The following FABP3 variants were observed in gnomAD, a reference collection of about 807,000 sequenced individuals.
The protein encoded by FABP3 is fatty acid-binding protein, heart.
Under a neutral mutation model 13.4 loss-of-function variants are expected in FABP3, and 8 were observed. The observed-to-expected ratio is 0.60, with a 90% CI of 0.35 to 1.07. The LOEUF is 1.07. Among genes scored for constraint, FABP3 ranks in the 50% least tolerant of loss-of-function variants. The pLI is 0.02. For synonymous variants in FABP3, 64 were observed against 60.0 expected (o/e 1.07, Z -0.31); for missense variants, 135 against 164.7 (o/e 0.82, Z 0.99).
At chr1:31,363,993 A>G, downstream of FABP3, 2 of 1,601,960 alleles carry the variant, frequency 1.2e-6, no homozygotes, top group Non-Finnish European at 8.5e-7. Flanking sequence ...AAAAGCAAAT[A>G]TACACATACA....
At chr1:31,364,192 G>C (rs1640043689), downstream of FABP3, 1 of 1,612,724 alleles carries the variant, frequency 6.2e-7, no homozygotes. Flanking sequence ...CACAAGGAGT[G>C]AGAGTATAAA....
downstream of FABP3, chr1:31,364,304 C>T (rs752780172): frequency 4.9e-6 from 7 of 1,443,118 alleles, no homozygotes; most frequent in South Asian, 4.7e-5. Flanking sequence ...CCATTAACTT[C>T]GCTCCCATGG....
chr1:31,361,605 A>G (rs1197152363), downstream of FABP3, among the ~76,000 whole-genome samples: 2 of 152,184 alleles, frequency 1.3e-5, no homozygotes, highest in African/African-American at 2.4e-5. Context: ...TCCTGTTACC[A>G]TACAGAAAGA....
At chr1:31,360,950 T>G (rs1470723501), downstream of FABP3, among the ~76,000 whole-genome samples, 3 of 152,216 alleles carry the variant, frequency 2.0e-5, no homozygotes, top group Admixed American at 2.0e-4. Context: ...ATTATTACTC[T>G]CCTCACTTCT....
chr1:31,372,804 T>A, intron 1 of FABP3, 138 bp downstream of exon 1: 1 of 811,086 alleles, frequency 1.2e-6, no homozygotes, highest in Non-Finnish European at 2.0e-6. Context: ...CCCCACCTGC[T>A]CTAGGCCAGG....
Position 31,369,574 on chromosome 1 carries a change from G to C in FABP3, c.74-17C>G. The C allele has an allele frequency of 6.2e-7, 1 of 1,613,674 alleles. No individual in the cohort carries two copies. The highest frequency in any genetic ancestry group is 8.5e-7 in the Non-Finnish European group (1 of 1,179,706). On this transcript the variant is annotated splice_polypyrimidine_tract_variant and intron_variant, in intron 1 of 3. Coordinates refer to ENST00000373713, the MANE Select transcript of FABP3 (RefSeq NM_004102.5). ...AACCCACACCTGAGGGTAGGGGGAA[G>C]GTTATGAGTATATGAGCTGGGGTAG...
At chr1:31,361,763 G>GT (rs530508163), downstream of FABP3, among the ~76,000 whole-genome samples, 392 of 151,510 alleles carry the variant, frequency 2.6e-3, 1 homozygote, top group Non-Finnish European at 5.0e-3. Flanking sequence ...CACCATAGGT[G>GT]TTTTTTTTGG....
chr1:31,367,319 T>C (rs1640131105), intron 3 of FABP3, 74 bp downstream of exon 3: 1 of 1,309,282 alleles, frequency 7.6e-7, no homozygotes, highest in African/African-American at 1.4e-5. Context: ...AGGACTTGGC[T>C]TTTTAGAACA....
At chr1:31,366,747 TC>T (rs1640120828) in intron 3 of FABP3, among the ~76,000 whole-genome samples, 1 of 152,132 alleles carries the variant, frequency 6.6e-6, no homozygotes. Context: ...CTGTGGTACT[TC>T]CTACCCAAGC....
At chr1:31,361,134 G>A (rs1639873973), downstream of FABP3, among the ~76,000 whole-genome samples, 1 of 152,204 alleles carries the variant, frequency 6.6e-6, no homozygotes, top group Non-Finnish European at 1.5e-5. Flanking sequence ...CAGCAACATA[G>A]CTAAACTATT....
chr1:31,366,103 C>T (rs1303111594), intron 3 of FABP3, among the ~76,000 whole-genome samples, 164 bp from the exon 4 acceptor site: 1 of 145,438 alleles, frequency 6.9e-6, no homozygotes, highest in Non-Finnish European at 1.5e-5. Flanking sequence ...TGTGTGTATA[C>T]ATACATAATT....
rs1569983215 is a variant in FABP3 at position 31,373,074 on chromosome 1, G to A, written c.-60C>T. ...AGAGCAGGCGTGCAAGGGCTCCGAC[G>A]GCGGCTCCCTGCCCGGGCTGCCGCT... On this transcript the variant is annotated 5_prime_UTR_variant, in exon 1 of 4. Transcript: ENST00000373713. 2 of 1,526,302 alleles carry A rather than the reference G, an allele frequency of 1.3e-6. No homozygotes were observed. The highest frequency in any genetic ancestry group is 4.5e-5 in the East Asian group (2 of 44,326). 94.5% of individuals were successfully genotyped at this position (1,526,302 alleles called of 1,614,324 possible). A position where few individuals can be genotyped will look rare whatever the true frequency, so the allele number is the denominator to read the frequency against.
At position 31,365,704 on chromosome 1, in the gene FABP3, TAA is replaced by T. The variant is rs5773353; in HGVS notation, c.*180_*181del. 11,535 of 445,978 alleles carry T rather than the reference TAA, an allele frequency of 0.026. No individual in the cohort carries two copies. Among genetic ancestry groups the T allele is most frequent in the Middle Eastern group, 0.034 (57 of 1,696 alleles). 27.6% of individuals were successfully genotyped at this position (445,978 alleles called of 1,614,324 possible). A position where few individuals can be genotyped will look rare whatever the true frequency, so the allele number is the denominator to read the frequency against. On this transcript the variant is annotated 3_prime_UTR_variant, in exon 4 of 4. Coordinates refer to ENST00000373713, the MANE Select transcript of FABP3 (RefSeq NM_004102.5). ...CCTCAGAGCACCCTATGAGTGCAGTTAAAAAAAAAAAAAAAAAACCACATACA... is the reference window on the plus strand; with the variant it reads ...CCTCAGAGCACCCTATGAGTGCAGTTAAAAAAAAAAAAAAAACCACATACA...
chr1:31,370,940 C>G (rs978707023), intron 1 of FABP3, among the ~76,000 whole-genome samples: 1 of 152,244 alleles, frequency 6.6e-6, no homozygotes, highest in Non-Finnish European at 1.5e-5. Context: ...ATGCTTGTAA[C>G]AGCCTCGAAG....
At chr1:31,370,670 C>G (rs1640193438) in intron 1 of FABP3, among the ~76,000 whole-genome samples, 1 of 152,204 alleles carries the variant, frequency 6.6e-6, no homozygotes, top group South Asian at 2.1e-4. Context: ...AGACTCTCTT[C>G]CTGACCCAAG....
downstream of FABP3, among the ~76,000 whole-genome samples, chr1:31,363,320 A>G (rs1639996186): frequency 6.6e-6 from 1 of 151,664 alleles, no homozygotes; most frequent in South Asian, 2.1e-4. Context: ...AGTAGCTGGG[A>G]CTACAAGCAC....
chr1:31,367,347 A>C lies in FABP3; in HGVS notation c.348+46T>G, dbSNP rs530795506. ...TTAGAACAGGCTTGGCTGAAAGAGCAGTAGTAATAACCAATCAGATATAGC... is the reference window on the plus strand; with the variant it reads ...TTAGAACAGGCTTGGCTGAAAGAGCCGTAGTAATAACCAATCAGATATAGC... On this transcript the variant is annotated intron_variant, in intron 3 of 3. Coordinates refer to ENST00000373713, the MANE Select transcript of FABP3 (RefSeq NM_004102.5). 45 of 1,458,630 alleles carry C rather than the reference A, an allele frequency of 3.1e-5. No homozygotes were observed. In the East Asian group the frequency reaches 9.1e-4, roughly 29 times the overall value. The allele number at this position is 1,458,630 out of a possible 1,614,324, so 90.4% of individuals were successfully genotyped here.
Position 31,373,037 on chromosome 1 carries a change from A to C in FABP3, c.-23T>G, listed in dbSNP as rs772193771. 5 of 1,612,968 alleles carry C rather than the reference A, an allele frequency of 3.1e-6. No individual in the cohort carries two copies. Among genetic ancestry groups the C allele is most frequent in the Non-Finnish European group, 3.4e-6 (4 of 1,179,262 alleles). ...CATAGTGATGCTGGGCTAGGCTGAG[A>C]GAAGCTACAAGAGAGCAGGCGTGCA... On this transcript the variant is annotated 5_prime_UTR_variant, in exon 1 of 4. Coordinates refer to ENST00000373713, the MANE Select transcript of FABP3 (RefSeq NM_004102.5).
chr1:31,365,704 TAAAAAAAAA>T lies in FABP3; in HGVS notation c.*173_*181del, dbSNP rs5773353. The T allele has an allele frequency of 2.4e-6, 1 of 422,926 alleles. No homozygotes were observed. The highest frequency in any genetic ancestry group is 2.3e-5 in the African/African-American group (1 of 43,342). The allele number at this position is 422,926 out of a possible 1,614,324, so 26.2% of individuals were successfully genotyped here. On this transcript the variant is annotated 3_prime_UTR_variant, in exon 4 of 4. Coordinates refer to ENST00000373713, the MANE Select transcript of FABP3 (RefSeq NM_004102.5). ...CCTCAGAGCACCCTATGAGTGCAGT[TAAAAAAAAA>T]AAAAAAAAACCACATACACCATGGG...
Sources: allele counts gnomAD v4.1 joint callset (sites outside exome capture counted in the v4.1 genomes callset), GRCh38; gene constraint gnomAD v4.1.1; transcripts MANE v1.5; gene names NCBI Gene and HGNC (gene_info 2026-07-23, HGNC 2026-07-21).